ZNF804A: variants seen among roughly 807,000 people sequenced by gnomAD.
ZNF804A encodes the protein zinc finger protein 804A.
A neutral mutation model predicts 16.5 loss-of-function variants in ZNF804A; 2 were observed. The observed-to-expected ratio is 0.12, with a 90% CI of 0.05 to 0.38. The LOEUF (loss-of-function observed/expected upper bound fraction) is 0.38, where lower values mean the gene tolerates loss of function less well. Ranked by LOEUF, ZNF804A falls within the 10% of genes least tolerant of loss-of-function variation. The probability of loss-of-function intolerance (pLI) is 0.99; values close to 1 mark genes in which losing one functional copy is unlikely to be tolerated. For missense variants in ZNF804A, 1,473 were observed against 1,390.7 expected (o/e 1.06, Z -0.94); for synonymous variants, 534 against 489.6 (o/e 1.09, Z -1.20).
intron 1 of ZNF804A, among the ~76,000 whole-genome samples, chr2:184,602,127 C>A (rs578022541): frequency 3.2e-4 from 49 of 151,864 alleles, no homozygotes; most frequent in Non-Finnish European, 5.5e-4. Context: ...ACCACCCAAA[C>A]ATAAAATTTT....
At chr2:184,613,976 A>G (rs1448571780) in intron 1 of ZNF804A, among the ~76,000 whole-genome samples, 1 of 152,230 alleles carries the variant, frequency 6.6e-6, no homozygotes, top group African/African-American at 2.4e-5. Context: ...GGTATAGCCA[A>G]GACAATCCTA....
chr2:184,699,754 C>T (rs1371946469), intron 1 of ZNF804A, among the ~76,000 whole-genome samples: 1 of 151,858 alleles, frequency 6.6e-6, no homozygotes, highest in Non-Finnish European at 1.5e-5. Context: ...ATGTTTAATG[C>T]CAGGTAATAT....
chr2:184,614,677 A>C (rs1340085505), intron 1 of ZNF804A, among the ~76,000 whole-genome samples: 1 of 152,210 alleles, frequency 6.6e-6, no homozygotes, highest in Non-Finnish European at 1.5e-5. Context: ...ACAGGAACTT[A>C]AACAAATTCA....
intron 1 of ZNF804A, among the ~76,000 whole-genome samples, chr2:184,745,810 T>C (rs1693782036): frequency 6.6e-6 from 1 of 151,604 alleles, no homozygotes; most frequent in South Asian, 2.1e-4. Flanking sequence ...AGCATAATGC[T>C]TAAGACAAAG....
At chr2:184,886,882 G>C (rs1438058299) in intron 2 of ZNF804A, among the ~76,000 whole-genome samples, 1 of 152,240 alleles carries the variant, frequency 6.6e-6, no homozygotes, top group African/African-American at 2.4e-5. Context: ...GGGCTGCCAT[G>C]AGGGTCTCTG....
At position 184,858,503 on chromosome 2, in the gene ZNF804A, C is replaced by CA. The variant is rs61600757; in HGVS notation, c.112-7850dup. On this transcript the variant is annotated intron_variant, in intron 1 of 3. Coordinates refer to ENST00000302277, the MANE Select transcript of ZNF804A (RefSeq NM_194250.2). ...TATGCAACAGAGTGAGACTCTGTCT[C>CA]AAAAAAAAAAAAAAAAGATAACAAC... Among the ~76,000 whole-genome samples the CA allele has an allele frequency of 5.7e-3, 482 of 83,846 alleles. 1 individual carries two copies. Among genetic ancestry groups the CA allele is most frequent in the Middle Eastern group, 0.017 (2 of 118 alleles). 55.0% of individuals were successfully genotyped at this position (83,846 alleles called of 152,430 possible). A position where few individuals can be genotyped will look rare whatever the true frequency, so the allele number is the denominator to read the frequency against.
intron 1 of ZNF804A, among the ~76,000 whole-genome samples, chr2:184,633,080 C>G (rs907417884): frequency 1.3e-5 from 2 of 152,240 alleles, no homozygotes; most frequent in Middle Eastern, 3.4e-3. Flanking sequence ...AAACAGCTCT[C>G]TTGATTAGGG....
intron 2 of ZNF804A, among the ~76,000 whole-genome samples, chr2:184,885,963 A>G (rs1184853655): frequency 1.3e-5 from 2 of 152,092 alleles, no homozygotes; most frequent in African/African-American, 4.8e-5. Flanking sequence ...TTAAAAACCA[A>G]TCATGCCTTT....
intron 1 of ZNF804A, among the ~76,000 whole-genome samples, chr2:184,605,990 A>G (rs1460461233): frequency 1.3e-5 from 2 of 152,222 alleles, no homozygotes; most frequent in Admixed American, 1.3e-4. Context: ...GTTTAGCACC[A>G]TTGGAAGAAA....
At chr2:184,723,617 T>C (rs1025841404) in intron 1 of ZNF804A, among the ~76,000 whole-genome samples, 17 of 151,914 alleles carry the variant, frequency 1.1e-4, no homozygotes, top group Admixed American at 3.3e-4. Context: ...AAAACACAGG[T>C]TACTTTAATG....
chr2:184,881,092 A>G (rs1684803717), intron 2 of ZNF804A, among the ~76,000 whole-genome samples: 1 of 152,210 alleles, frequency 6.6e-6, no homozygotes, highest in Non-Finnish European at 1.5e-5. Context: ...GATAGAGCTG[A>G]AAAACTCACT....
chr2:184,730,803 T>C (rs540206936), intron 1 of ZNF804A, among the ~76,000 whole-genome samples: 10 of 152,132 alleles, frequency 6.6e-5, no homozygotes, highest in Non-Finnish European at 1.5e-4. Flanking sequence ...TGCTTCCAAG[T>C]TTTGGCAATC....
chr2:184,601,832 T>C (rs1374549297), intron 1 of ZNF804A, among the ~76,000 whole-genome samples: 1 of 151,974 alleles, frequency 6.6e-6, no homozygotes, highest in African/African-American at 2.4e-5. Flanking sequence ...ACCTTTTAGT[T>C]AGTTTCTGTC....
At chr2:184,624,000 G>A (rs1258047455) in intron 1 of ZNF804A, among the ~76,000 whole-genome samples, 3 of 152,018 alleles carry the variant, frequency 2.0e-5, no homozygotes, top group Non-Finnish European at 2.9e-5. Context: ...AATTAGTCAG[G>A]GGGACTAAAA....
intron 1 of ZNF804A, among the ~76,000 whole-genome samples, chr2:184,642,777 C>A (rs901618580): frequency 1.3e-5 from 2 of 152,110 alleles, no homozygotes; most frequent in Non-Finnish European, 2.9e-5. Flanking sequence ...TGGAAGAAGT[C>A]TAAAGAGCAC....
chr2:184,696,898 A>T (rs181123931), intron 1 of ZNF804A, among the ~76,000 whole-genome samples: 2 of 152,040 alleles, frequency 1.3e-5, no homozygotes, highest in Non-Finnish European at 2.9e-5. Context: ...CAAGTAATTT[A>T]AAAATGTAGA....
chr2:184,685,727 C>A (rs567241727), intron 1 of ZNF804A, among the ~76,000 whole-genome samples: 1 of 152,182 alleles, frequency 6.6e-6, no homozygotes, highest in Non-Finnish European at 1.5e-5. Flanking sequence ...TACATGTTTT[C>A]ATTCCAGGCC....
At chr2:184,693,616 A>T (rs1169607039) in intron 1 of ZNF804A, among the ~76,000 whole-genome samples, 1 of 152,186 alleles carries the variant, frequency 6.6e-6, no homozygotes, top group African/African-American at 2.4e-5. Flanking sequence ...CTTCCAGTCA[A>T]TTTATGCCTC....
chr2:184,609,989 A>G (rs765847434), intron 1 of ZNF804A, among the ~76,000 whole-genome samples: 1 of 152,196 alleles, frequency 6.6e-6, no homozygotes, highest in Non-Finnish European at 1.5e-5. Context: ...TAGGTGGGAC[A>G]TTTGGGAGAT....
Sources: gnomAD v4.1 joint callset for allele counts (sites outside exome capture counted in the v4.1 genomes callset) on GRCh38, gnomAD v4.1.1 for gene constraint, MANE v1.5 for transcripts, NCBI Gene and HGNC (gene_info 2026-07-23, HGNC 2026-07-21) for gene names.